The following SLC2A14 variants were observed in gnomAD, a reference collection of about 807,000 sequenced individuals.
SLC2A14 encodes the protein solute carrier family 2, facilitated glucose transporter member 14.
A neutral mutation model predicts 43.0 loss-of-function variants in SLC2A14; 13 were observed. That is an observed-to-expected ratio of 0.30 (90% CI 0.20 to 0.48). The LOEUF is 0.48. Among genes scored for constraint, SLC2A14 ranks in the 20% least tolerant of loss-of-function variants. The pLI is 0.99. For missense variants in SLC2A14, 428 were observed against 620.4 expected (o/e 0.69, Z 3.29); for synonymous variants, 190 against 233.8 (o/e 0.81, Z 1.71).
intron 7 of SLC2A14, 71 bp downstream of exon 7, chr12:7,827,424 C>T: frequency 1.3e-6 from 2 of 1,539,052 alleles, no homozygotes; most frequent in South Asian, 1.3e-5. Flanking sequence ...TACAGAGGCA[C>T]ACCGCCACCA....
At chr12:7,874,857 T>TATATATAAATAC (rs1308497539), upstream of SLC2A14, among the ~76,000 whole-genome samples, 9 of 109,778 alleles carry the variant, frequency 8.2e-5, no homozygotes, top group South Asian at 1.2e-3. Flanking sequence ...ATATATAAAT[T>TATATATAAATAC]ATATATAAAT....
chr12:7,844,475 G>A (rs1471309452), intron 2 of SLC2A14, among the ~76,000 whole-genome samples: 1 of 151,562 alleles, frequency 6.6e-6, no homozygotes, highest in Non-Finnish European at 1.5e-5. Flanking sequence ...TCTCTCGATT[G>A]TATACTTGTT....
chr12:7,839,333 A>C (rs1865725246), intron 2 of SLC2A14, among the ~76,000 whole-genome samples: 1 of 148,860 alleles, frequency 6.7e-6, no homozygotes, highest in Non-Finnish European at 1.5e-5. Flanking sequence ...TTCAAACAGA[A>C]GGCATTTCAA....
chr12:7,869,602 GA>G, intron 2 of SLC2A14, among the ~76,000 whole-genome samples: 1 of 152,232 alleles, frequency 6.6e-6, no homozygotes, highest in East Asian at 1.9e-4. Flanking sequence ...TTACAATGCT[GA>G]TCATAAATAT....
intron 4 of SLC2A14, 24 bp downstream of exon 4, chr12:7,831,580 C>T: frequency 1.2e-6 from 2 of 1,613,490 alleles, no homozygotes; most frequent in Non-Finnish European, 1.7e-6. Flanking sequence ...GAGCCCACTT[C>T]CTTGCCCAGT....
At chr12:7,836,362 A>G (rs1173929697) in intron 2 of SLC2A14, among the ~76,000 whole-genome samples, 1 of 152,064 alleles carries the variant, frequency 6.6e-6, no homozygotes, top group Non-Finnish European at 1.5e-5. Context: ...CTGGGACTAC[A>G]AGCGTGTGCC....
At chr12:7,816,146 G>A (rs1421821655) in intron 10 of SLC2A14, among the ~76,000 whole-genome samples, 1 of 51,542 alleles carries the variant, frequency 1.9e-5, no homozygotes, top group South Asian at 6.8e-4. Flanking sequence ...CGCCCAGGCC[G>A]GACTGCGGAC....
At chr12:7,821,937 G>T (rs1863951788) in intron 7 of SLC2A14, among the ~76,000 whole-genome samples, 1 of 148,070 alleles carries the variant, frequency 6.8e-6, no homozygotes, top group African/African-American at 2.5e-5. Context: ...CGATTCTCCT[G>T]CCTCAGCCTC....
chr12:7,813,502 A>G lies in SLC2A14; in HGVS notation c.*814T>C, dbSNP rs549119305. The G allele has an allele frequency of 2.0e-5, 3 of 152,220 alleles. No homozygotes were observed. The highest frequency in any genetic ancestry group is 2.9e-5 in the Non-Finnish European group (2 of 68,044). The allele number at this position is 152,220 out of a possible 1,614,324, so 9.4% of individuals were successfully genotyped here. ...AATCCTAGATTTCAAGTACTACTACATGTAAACTATTATCTTAAAGATAAA... is the reference window on the plus strand; with the variant it reads ...AATCCTAGATTTCAAGTACTACTACGTGTAAACTATTATCTTAAAGATAAA... On this transcript the variant is annotated 3_prime_UTR_variant, in exon 11 of 11. Transcript: ENST00000431042.
chr12:7,845,862 C>T (rs1160823071), intron 2 of SLC2A14, among the ~76,000 whole-genome samples: 1 of 150,474 alleles, frequency 6.6e-6, no homozygotes, highest in Non-Finnish European at 1.5e-5. Flanking sequence ...GATGCCAAGG[C>T]GGGTGGATTT....
At chr12:7,833,947 C>T (rs555693684) in intron 2 of SLC2A14, among the ~76,000 whole-genome samples, 13 of 152,124 alleles carry the variant, frequency 8.5e-5, no homozygotes, top group Non-Finnish European at 1.9e-4. Context: ...CTTTCCCGCA[C>T]CCCCACCAAT....
upstream of SLC2A14, among the ~76,000 whole-genome samples, chr12:7,877,005 C>CTTTTTTTT (rs57906469): frequency 7.5e-6 from 1 of 132,954 alleles, no homozygotes; most frequent in African/African-American, 2.8e-5. Context: ...AATTTTTTTT[C>CTTTTTTTT]TTTTTTTTTT....
intron 1 of SLC2A14, among the ~76,000 whole-genome samples, chr12:7,882,472 A>G (rs938608541): frequency 6.6e-6 from 1 of 152,220 alleles, no homozygotes; most frequent in South Asian, 2.1e-4. Flanking sequence ...AATTCCTGAC[A>G]CAGCGCCCCT....
chr12:7,869,559 T>C (rs1945115822), intron 2 of SLC2A14, among the ~76,000 whole-genome samples: 1 of 152,174 alleles, frequency 6.6e-6, no homozygotes, highest in African/African-American at 2.4e-5. Context: ...GCAAAACCAG[T>C]TGCATATGAT....
At chr12:7,875,625 A>G (rs182834817), upstream of SLC2A14, among the ~76,000 whole-genome samples, 1 of 152,218 alleles carries the variant, frequency 6.6e-6, no homozygotes, top group East Asian at 1.9e-4. Flanking sequence ...AGCCTTTGGA[A>G]TGTGATTAGG....
intron 2 of SLC2A14, among the ~76,000 whole-genome samples, chr12:7,848,941 G>A (rs763920228): frequency 2.3e-4 from 35 of 150,002 alleles, no homozygotes; most frequent in African/African-American, 7.1e-4. Context: ...ACTGGACTCC[G>A]CTTCCCGGGT....
At chr12:7,848,831 C>T (rs1255898868) in intron 2 of SLC2A14, among the ~76,000 whole-genome samples, 2 of 151,822 alleles carry the variant, frequency 1.3e-5, no homozygotes, top group Admixed American at 1.3e-4. Context: ...GCTGGGATTA[C>T]AAGCATGAGC....
rs533326564 is a variant in SLC2A14, at chr12:7,866,131, A to G, written c.18+3732T>C. Among the ~76,000 whole-genome samples the G allele has an allele frequency of 2.7e-5, 4 of 150,364 alleles. No homozygotes were observed. The South Asian group carries it at 8.5e-4, about 32-fold the overall frequency. On this transcript the variant is annotated intron_variant, in intron 2 of 10. Coordinates refer to ENST00000431042, the MANE Select transcript of SLC2A14 (RefSeq NM_001286234.2). ...TCCCAGCTACCCAGGAGGCTGTGGC[A>G]GGAGAATCGCTGGAACCCAGTGGGC...
upstream of SLC2A14, among the ~76,000 whole-genome samples, chr12:7,875,135 T>TAAATATTATATTTAAAATTAAATATATA (rs1945434710): frequency 5.3e-4 from 58 of 109,422 alleles, no homozygotes; most frequent in South Asian, 0.011. Flanking sequence ...TTAAATATAT[T>TAAATATTATATTTAAAATTAAATATATA]TAAATATTAT....
Sources: allele counts gnomAD v4.1 joint callset (sites outside exome capture counted in the v4.1 genomes callset), GRCh38; gene constraint gnomAD v4.1.1; transcripts MANE v1.5; gene names NCBI Gene and HGNC (gene_info 2026-07-23, HGNC 2026-07-21).